The following RBFOX1 variants were observed in gnomAD, a reference collection of about 807,000 sequenced individuals.
The protein encoded by RBFOX1 is RNA binding fox-1 homolog 1.
A neutral mutation model predicts 57.7 loss-of-function variants in RBFOX1; 8 were observed. The ratio of observed to expected loss-of-function variants is 0.14; its 90% confidence interval spans 0.08 to 0.25. The LOEUF (loss-of-function observed/expected upper bound fraction) is 0.25. Among genes scored for constraint, RBFOX1 ranks in the 10% least tolerant of loss-of-function variants. RBFOX1 has a pLI of 1.00. For synonymous variants in RBFOX1, 326 were observed against 222.4 expected (o/e 1.47, Z -4.15); for missense variants, 611 against 548.5 (o/e 1.11, Z -1.14).
intron 1 of RBFOX1, among the ~76,000 whole-genome samples, chr16:6,254,648 G>T (rs929047474): frequency 6.6e-6 from 1 of 152,102 alleles, no homozygotes; most frequent in South Asian, 2.1e-4. Flanking sequence ...TAGTCTCTGC[G>T]TGAAATTCCA....
chr16:6,670,162 A>C (rs564162961), intron 3 of RBFOX1, among the ~76,000 whole-genome samples: 1 of 151,904 alleles, frequency 6.6e-6, no homozygotes, highest in African/African-American at 2.4e-5. Flanking sequence ...GTACTTACTC[A>C]GTGTGATCCT....
In RBFOX1 at chr16:6,909,441, C is replaced by T. The variant is rs193216771; in HGVS notation, c.-15-142616C>T. On this transcript the variant is annotated intron_variant, in intron 3 of 15. Coordinates refer to ENST00000550418, the MANE Select transcript of RBFOX1 (RefSeq NM_018723.4). ...AAGGTTCTTTTGCCAGGCAAGGTGA[C>T]GTATTCACACCTTTCAGAGATTACG... Among the ~76,000 whole-genome samples the T allele has an allele frequency of 3.5e-3, 532 of 152,314 alleles. 2 individuals are homozygous for T. Among genetic ancestry groups the T allele is most frequent in the Non-Finnish European group, 4.8e-3 (327 of 68,034 alleles).
chr16:6,804,249 C>T (rs1420144641), intron 3 of RBFOX1, among the ~76,000 whole-genome samples: 1 of 151,728 alleles, frequency 6.6e-6, no homozygotes, highest in African/African-American at 2.4e-5. Context: ...ACCTCTTGAT[C>T]CGCCCACCTC....
intron 7 of RBFOX1, among the ~76,000 whole-genome samples, chr16:7,589,320 C>T (rs564309400): frequency 2.9e-4 from 44 of 152,164 alleles, no homozygotes; most frequent in Non-Finnish European, 5.1e-4. Context: ...TGTTTAATTC[C>T]TTCTGAGAGC....
chr16:6,510,322 T>G (rs2096227304), intron 2 of RBFOX1, among the ~76,000 whole-genome samples: 1 of 152,176 alleles, frequency 6.6e-6, no homozygotes, highest in Admixed American at 6.5e-5. Flanking sequence ...TTTTTGAGAT[T>G]TGAACTGCTT....
intron 1 of RBFOX1, among the ~76,000 whole-genome samples, chr16:5,463,890 A>G (rs1184001146): frequency 2.0e-5 from 3 of 152,134 alleles, no homozygotes; most frequent in South Asian, 2.1e-4. Context: ...TGGGAGGTCT[A>G]TTTTGAACAA....
intron 1 of RBFOX1, among the ~76,000 whole-genome samples, chr16:5,452,864 A>G (rs368655424): frequency 1.5e-4 from 23 of 151,732 alleles, no homozygotes; most frequent in African/African-American, 5.3e-4. Context: ...CGAGTTCCTG[A>G]TCTTGTGATC....
At chr16:7,061,323 C>G (rs1342389528) in intron 4 of RBFOX1, among the ~76,000 whole-genome samples, 2 of 152,132 alleles carry the variant, frequency 1.3e-5, no homozygotes, top group Non-Finnish European at 2.9e-5. Context: ...TGTATGTTCT[C>G]CAGTCTTTGC....
chr16:7,372,718 A>C (rs2097591071), intron 4 of RBFOX1, among the ~76,000 whole-genome samples: 1 of 152,070 alleles, frequency 6.6e-6, no homozygotes, highest in African/African-American at 2.4e-5. Context: ...TTGAGGGCTT[A>C]CAGAAAATTT....
rs369333667 is a variant in RBFOX1, at chr16:6,509,167, C to T, written c.-63-145436C>T. 5.3e-5 allele frequency among the ~76,000 whole-genome samples: 8 copies of T among 152,302 alleles called. No individual in the cohort carries two copies. In the East Asian group the frequency reaches 1.4e-3, roughly 26 times the overall value. On this transcript the variant is annotated intron_variant, in intron 2 of 15. Transcript: ENST00000550418. ...CCTTAACCTTTAATGCAGAGAGGAT[C>T]TTCCAGTAAAATCCCATTATCTGGT...
intron 11 of RBFOX1, among the ~76,000 whole-genome samples, chr16:7,637,065 G>C (rs1042132499): frequency 1.3e-5 from 2 of 152,122 alleles, no homozygotes; most frequent in Non-Finnish European, 2.9e-5. Flanking sequence ...AGGGATGTCA[G>C]TTTTATTTGT....
At chr16:6,047,940 A>T (rs1365053429) in intron 1 of RBFOX1, among the ~76,000 whole-genome samples, 1 of 152,182 alleles carries the variant, frequency 6.6e-6, no homozygotes, top group Non-Finnish European at 1.5e-5. Context: ...TCAGGCAGTG[A>T]CATGTCTGCA....
At chr16:7,460,389 ATGTG>A (rs1235047786) in intron 4 of RBFOX1, among the ~76,000 whole-genome samples, 25 of 87,014 alleles carry the variant, frequency 2.9e-4, no homozygotes, top group South Asian at 9.0e-4. Context: ...ATATATATAT[ATGTG>A]TGTGTGTGTG....
chr16:7,315,875 T>G (rs73559870), intron 4 of RBFOX1, among the ~76,000 whole-genome samples: 3,279 of 152,280 alleles, frequency 0.022, 65 homozygotes, highest in African/African-American at 0.052. Context: ...CTCTATTGTT[T>G]ACTTGGTTTA....
At chr16:6,027,513 A>G (rs187675957) in intron 1 of RBFOX1, among the ~76,000 whole-genome samples, 16 of 152,190 alleles carry the variant, frequency 1.1e-4, no homozygotes, top group African/African-American at 3.4e-4. Flanking sequence ...ACTTTCTTCA[A>G]TTTCTCTGAA....
intron 2 of RBFOX1, among the ~76,000 whole-genome samples, chr16:6,404,383 G>A (rs951209056): frequency 2.0e-5 from 3 of 152,060 alleles, no homozygotes; most frequent in Non-Finnish European, 2.9e-5. Flanking sequence ...CAATTTCTGT[G>A]GCTACTGAGG....
intron 1 of RBFOX1, among the ~76,000 whole-genome samples, chr16:6,167,106 G>T (rs1247677050): frequency 6.6e-6 from 1 of 152,204 alleles, no homozygotes; most frequent in Admixed American, 6.5e-5. Flanking sequence ...GCGAGATGAT[G>T]AGAAGGGAGG....
intron 2 of RBFOX1, among the ~76,000 whole-genome samples, chr16:6,582,411 T>A (rs947131401): frequency 6.6e-6 from 1 of 151,986 alleles, no homozygotes; most frequent in African/African-American, 2.4e-5. Flanking sequence ...TGGAGAAATA[T>A]AATTAAGCAG....
At chr16:5,917,592 A>G (rs1219109626) in intron 4 of RBFOX1, among the ~76,000 whole-genome samples, 10 of 152,292 alleles carry the variant, frequency 6.6e-5, no homozygotes, top group South Asian at 2.1e-4. Context: ...TCTGGACTGC[A>G]CTGGGTGTGT....
Sources: allele counts gnomAD v4.1 joint callset (sites outside exome capture counted in the v4.1 genomes callset), GRCh38; gene constraint gnomAD v4.1.1; transcripts MANE v1.5; gene names NCBI Gene and HGNC (gene_info 2026-07-23, HGNC 2026-07-21).